CYP2B6: variants seen among roughly 807,000 people sequenced by gnomAD.
CYP2B6 encodes the protein cytochrome P450 2B6.
Under a neutral mutation model 43.4 loss-of-function variants are expected in CYP2B6, and 35 were observed. That is an observed-to-expected ratio of 0.81 (90% CI 0.62 to 1.07). CYP2B6 has a LOEUF of 1.07. Ranked by LOEUF, CYP2B6 falls within the 50% of genes least tolerant of loss-of-function variation. The probability of loss-of-function intolerance (pLI) is 0.00; values close to 1 mark genes in which losing one functional copy is unlikely to be tolerated. For missense variants in CYP2B6, 624 were observed against 632.8 expected (o/e 0.99, Z 0.15); for synonymous variants, 239 against 239.2 (o/e 1.00, Z 0.01).
rs1969369785 is a variant in CYP2B6, at chr19:41,016,531, G to C, written c.1295-115G>C. On this transcript the variant is annotated intron_variant, in intron 8 of 8. Transcript: ENST00000324071. ...GTCCACCCTGAATTGTAGGTTAAAG[G>C]CCAGTCTTATGCAAATCTGTTGCAG... 2.8e-6 allele frequency: 3 copies of C among 1,079,524 alleles called. No individual in the cohort carries two copies. The Admixed American group carries it at 5.8e-5, about 21-fold the overall frequency. The allele number at this position is 1,079,524 out of a possible 1,614,324, so 66.9% of individuals were successfully genotyped here. A position where few individuals can be genotyped will look rare whatever the true frequency, so the allele number is the denominator to read the frequency against.
intron 1 of CYP2B6, 97 bp downstream of exon 1, chr19:40,991,573 AG>A (rs1203456456): frequency 2.2e-6 from 3 of 1,381,888 alleles, no homozygotes; most frequent in East Asian, 2.3e-5. Flanking sequence ...TTCCAGAGTC[AG>A]GGGTGGCACG....
chr19:41,008,702 C>A (rs1178505309), intron 4 of CYP2B6, among the ~76,000 whole-genome samples: 1 of 151,916 alleles, frequency 6.6e-6, no homozygotes, highest in African/African-American at 2.4e-5. Flanking sequence ...TTACATCTGA[C>A]TATATATGTT....
intron 1 of CYP2B6, among the ~76,000 whole-genome samples, chr19:40,996,723 G>C (rs1009493590): frequency 6.6e-6 from 1 of 152,116 alleles, no homozygotes; most frequent in Non-Finnish European, 1.5e-5. Flanking sequence ...GAAATTTTAA[G>C]AACTCAGGAA....
At chr19:41,001,675 T>C (rs1009720323) in intron 1 of CYP2B6, among the ~76,000 whole-genome samples, 2 of 152,158 alleles carry the variant, frequency 1.3e-5, no homozygotes, top group Non-Finnish European at 2.9e-5. Context: ...GATCCACTCA[T>C]TCATTTATTC....
chr19:41,007,323 C>A, intron 4 of CYP2B6: 3 of 515,322 alleles, frequency 5.8e-6, no homozygotes, highest in Non-Finnish European at 1.1e-5. Context: ...GGAAGATGAG[C>A]AAAAACAAGA....
intron 6 of CYP2B6, 148 bp from the exon 7 acceptor site, chr19:41,012,150 A>G (rs1969294345): frequency 1.4e-6 from 1 of 736,724 alleles, no homozygotes; most frequent in Admixed American, 2.2e-5. Flanking sequence ...GGATTTTGCC[A>G]TGTTGGCCAG....
At position 41,001,941 on chromosome 19, in the gene CYP2B6, G is replaced by GTT. The variant is rs59423078; in HGVS notation, c.172-2052_172-2051dup. Among the ~76,000 whole-genome samples the GTT allele has an allele frequency of 1.3e-3, 202 of 150,958 alleles. 2 individuals carry two copies. The highest frequency in any genetic ancestry group is 4.0e-3 in the Admixed American group (61 of 15,178). On this transcript the variant is annotated intron_variant, in intron 1 of 8. Transcript: ENST00000324071. ...TGAGTGGTTAGGGGAAGACTGTCTT[G>GTT]TTTTTTTTTCTGAGCAGAGACAATG...
At chr19:41,013,555 G>A (rs1194514825) in intron 8 of CYP2B6, among the ~76,000 whole-genome samples, 3 of 152,184 alleles carry the variant, frequency 2.0e-5, no homozygotes, top group Non-Finnish European at 4.4e-5. Context: ...GAACCTATAG[G>A]AAGTCCAGTG....
intron 6 of CYP2B6, among the ~76,000 whole-genome samples, chr19:41,011,577 T>G (rs936876877): frequency 3.3e-5 from 5 of 152,238 alleles, no homozygotes; most frequent in African/African-American, 1.2e-4. Context: ...CATCTATTGT[T>G]CTATTACACT....
chr19:40,997,092 AGGT>A (rs1568557758), intron 1 of CYP2B6, among the ~76,000 whole-genome samples: 1 of 151,864 alleles, frequency 6.6e-6, no homozygotes, highest in Non-Finnish European at 1.5e-5. Context: ...GAGGTAAAAG[AGGT>A]GGTGGCACGA....
intron 1 of CYP2B6, among the ~76,000 whole-genome samples, chr19:40,997,082 G>C (rs529977747): frequency 1.3e-5 from 2 of 151,982 alleles, no homozygotes; most frequent in East Asian, 3.9e-4. Flanking sequence ...CTGAAAGAAT[G>C]AGGTAAAAGA....
chr19:41,009,702 C>T (rs1268192716), intron 5 of CYP2B6: 9 of 596,188 alleles, frequency 1.5e-5, no homozygotes, highest in Non-Finnish European at 2.7e-5. Flanking sequence ...GACAAAAATA[C>T]AGCAACAAGA....
intron 1 of CYP2B6, among the ~76,000 whole-genome samples, chr19:41,000,760 T>C (rs2200237): frequency 0.3 from 46,230 of 151,834 alleles, 7,669 homozygotes; most frequent in African/African-American, 0.41. Context: ...GGATGGTGGC[T>C]GGGCATGGCA....
Position 41,000,160 on chromosome 19 carries a change from C to T in CYP2B6, c.172-3841C>T, listed in dbSNP as rs142458860. Among the ~76,000 whole-genome samples the T allele has an allele frequency of 5.0e-4, 76 of 152,226 alleles. No homozygotes were observed. The South Asian group carries it at 7.1e-3, about 14-fold the overall frequency. On this transcript the variant is annotated intron_variant, in intron 1 of 8. Transcript: ENST00000324071. ...TCATTATTGGGGTTCCTTAGCTATT[C>T]AGGCAGGCAGCAGCTCCCTTGAGAA...
In CYP2B6 at chr19:41,012,305, CTA is replaced by C. The variant is rs769291349; in HGVS notation, c.973_974del (p.Tyr325GlnfsTer4). ...GTCTTCTTTTCTGTACAGAGAGAGTCTACAGGGAGATTGAACAGGTGATTGGC... is the reference window on the plus strand; with the variant it reads ...GTCTTCTTTTCTGTACAGAGAGAGTCCAGGGAGATTGAACAGGTGATTGGC... ...LKYPHVAERVYREIEQVIGPH... is the reference protein window; with the variant it reads ...LKYPHVAERVXREIEQVIGPH... On this transcript the variant is annotated frameshift_variant, in exon 7 of 9. Transcript: ENST00000324071. LOFTEE classifies it high-confidence loss of function. 6.2e-7 allele frequency: 1 copy of C among 1,614,030 alleles called. No homozygotes were observed. Among genetic ancestry groups the C allele is most frequent in the Non-Finnish European group, 8.5e-7 (1 of 1,179,966 alleles).
intron 1 of CYP2B6, among the ~76,000 whole-genome samples, chr19:41,001,454 T>C (rs1969085853): frequency 6.6e-6 from 1 of 152,120 alleles, no homozygotes; most frequent in Non-Finnish European, 1.5e-5. Flanking sequence ...TGCTTCTCCA[T>C]TTCCCAATAA....
intron 7 of CYP2B6, 88 bp from the exon 8 acceptor site, chr19:41,012,586 G>T: frequency 1.2e-6 from 2 of 1,611,232 alleles, no homozygotes; most frequent in Non-Finnish European, 1.7e-6. Flanking sequence ...GAGTCCCGTT[G>T]TTTTTGTTTT....
chr19:40,996,358 G>C (rs988301092), intron 1 of CYP2B6, among the ~76,000 whole-genome samples: 3 of 152,082 alleles, frequency 2.0e-5, no homozygotes, highest in African/African-American at 7.3e-5. Context: ...TCTGTCACTG[G>C]AGAGTTCTCC....
intron 1 of CYP2B6, among the ~76,000 whole-genome samples, chr19:40,992,040 A>T (rs1399463842): frequency 1.3e-5 from 2 of 151,960 alleles, no homozygotes; most frequent in African/African-American, 4.8e-5. Flanking sequence ...TGTCTCTACT[A>T]AAAATACAAA....
Sources: allele counts gnomAD v4.1 joint callset (sites outside exome capture counted in the v4.1 genomes callset), GRCh38; gene constraint gnomAD v4.1.1; transcripts MANE v1.5; gene names NCBI Gene and HGNC (gene_info 2026-07-23, HGNC 2026-07-21).